Variants in MROH1 observed in about 807,000 individuals in gnomAD.
MROH1 encodes maestro heat like repeat family member 1.
Under a neutral mutation model 116.5 loss-of-function variants are expected in MROH1, and 117 were observed. That is an observed-to-expected ratio of 1.00 (90% CI 0.86 to 1.17). MROH1 has a LOEUF of 1.17. MROH1 is among the 50% of genes most tolerant of loss of function. The probability of loss-of-function intolerance (pLI) is 0.00; values close to 1 mark genes in which losing one functional copy is unlikely to be tolerated. For synonymous variants in MROH1, 921 were observed against 583.9 expected, an observed-to-expected ratio of 1.58 and a Z score of -8.32; for missense variants, 1,873 against 1,338.5, an observed-to-expected ratio of 1.40 and a Z score of -6.23.
intron 14 of MROH1, among the ~76,000 whole-genome samples, chr8:144,232,196 C>G (rs1172350842): frequency 6.6e-6 from 1 of 152,016 alleles, no homozygotes; most frequent in Admixed American, 6.6e-5. Context: ...CTCTTCATAC[C>G]CCCACCTTCT....
At chr8:144,202,760 G>C (rs1831620191) in intron 12 of MROH1, among the ~76,000 whole-genome samples, 1 of 126,174 alleles carries the variant, frequency 7.9e-6, no homozygotes, top group Non-Finnish European at 1.7e-5. Flanking sequence ...GAGGGGTTGG[G>C]AGAGGAGCAC....
intron 14 of MROH1, among the ~76,000 whole-genome samples, chr8:144,232,818 AT>A (rs1839196252): frequency 1.4e-5 from 2 of 147,278 alleles, no homozygotes; most frequent in Non-Finnish European, 3.0e-5. Context: ...TTATTTATTT[AT>A]TTATTTATTT....
chr8:144,219,597 G>A lies in MROH1; in HGVS notation c.1142-1003G>A, dbSNP rs566588841. ...TCTTTTCTGAGCTTCTATGGCACAC[G>A]TCTGTTTCATCCTCCTAACCCAGGG... On this transcript the variant is annotated intron_variant, in intron 12 of 43. Transcript: ENST00000326134. Among the ~76,000 whole-genome samples the A allele has an allele frequency of 1.1e-3, 174 of 152,242 alleles. 3 individuals are homozygous for A. The highest frequency in any genetic ancestry group is 6.8e-3 in the Middle Eastern group (2 of 292).
chr8:144,231,550 C>T (rs1228237300), intron 14 of MROH1, among the ~76,000 whole-genome samples: 5 of 152,198 alleles, frequency 3.3e-5, no homozygotes, highest in Non-Finnish European at 4.4e-5. Flanking sequence ...TGGGGAGTGG[C>T]TGGCCAGTGG....
rs1395141515 is a variant in MROH1 at position 144,151,336 on chromosome 8, G to A, written c.-177+3260G>A. ...TGGACATAGAGAGGAGCAGATTGGC[G>A]GAAGAAGACACAAGCAACTGGACCT... is the stretch of plus-strand genomic sequence containing the variant. On this transcript the variant is annotated intron_variant, in intron 1 of 43. Coordinates refer to ENST00000326134, the MANE Select transcript of MROH1 (RefSeq NM_032450.3). Among the ~76,000 whole-genome samples, 11 of 151,774 alleles carry A rather than the reference G, an allele frequency of 7.2e-5. No homozygotes were observed. In the South Asian group the frequency reaches 8.4e-4, roughly 12 times the overall value.
chr8:144,229,862 C>T (rs1466596540), intron 14 of MROH1, among the ~76,000 whole-genome samples: 2 of 151,860 alleles, frequency 1.3e-5, no homozygotes, highest in Admixed American at 6.6e-5. Context: ...GGTGAAACCC[C>T]GTCTCTACTA....
chr8:144,182,539 A>G lies in MROH1; in HGVS notation c.562+2016A>G, dbSNP rs1471119885. ...AGAGGTGTCACCATGGAGAAGCCACATTGAGAGAATAAAACTGACCTTCTG... is the reference window on the plus strand; with the variant it reads ...AGAGGTGTCACCATGGAGAAGCCACGTTGAGAGAATAAAACTGACCTTCTG... On this transcript the variant is annotated intron_variant, in intron 7 of 43. Coordinates refer to ENST00000326134, the MANE Select transcript of MROH1 (RefSeq NM_032450.3). The surrounding 1 kb of genome is among the most constrained non-coding windows in gnomAD (Gnocchi z 4.1). Among the ~76,000 whole-genome samples, 6 of 152,248 alleles carry G rather than the reference A, an allele frequency of 3.9e-5. No individual in the cohort carries two copies. The highest frequency in any genetic ancestry group is 7.3e-5 in the Non-Finnish European group (5 of 68,042).
chr8:144,163,771 A>T lies in MROH1; in HGVS notation c.-56A>T. 1 of 1,602,316 alleles carries T rather than the reference A, an allele frequency of 6.2e-7. No homozygotes were observed. The highest frequency in any genetic ancestry group is 8.5e-7 in the Non-Finnish European group (1 of 1,171,220). ...AATCTTGTGATTTTGGTTATTCCAGATGGGAGAAGAAGTTGTCCATGTTCA... is the reference window on the plus strand; with the variant it reads ...AATCTTGTGATTTTGGTTATTCCAGTTGGGAGAAGAAGTTGTCCATGTTCA... On this transcript the variant is annotated splice_region_variant and 5_prime_UTR_variant, in exon 3 of 44. The change abolishes an upstream ATG in the 5' untranslated region. Transcript: ENST00000326134. The surrounding 1 kb of genome is among the most constrained non-coding windows in gnomAD (Gnocchi z 4.4).
chr8:144,226,082 T>C (rs540352829), intron 14 of MROH1, among the ~76,000 whole-genome samples: 1 of 150,408 alleles, frequency 6.6e-6, no homozygotes, highest in East Asian at 2.0e-4. Flanking sequence ...GCCAGGCTAA[T>C]TTTTGTATTT....
In MROH1 at chr8:144,148,025, C is replaced by T. The variant is rs1815828487; in HGVS notation, c.-228C>T. The T allele has an allele frequency of 6.6e-6, 1 of 152,124 alleles. No homozygotes were observed. The highest frequency in any genetic ancestry group is 2.1e-4 in the South Asian group (1 of 4,838). 9.4% of individuals were successfully genotyped at this position (152,124 alleles called of 1,614,324 possible). A position where few individuals can be genotyped will look rare whatever the true frequency, so the allele number is the denominator to read the frequency against. On this transcript the variant is annotated 5_prime_UTR_variant, in exon 1 of 44. Coordinates refer to ENST00000326134, the MANE Select transcript of MROH1 (RefSeq NM_032450.3). ...GCGCGCGGCTCCGCCCACTCCGGGC[C>T]CCTGCTGGGCGGGAAGGCGGCGCCC...
chr8:144,156,846 T>C (rs1447486833), intron 1 of MROH1, among the ~76,000 whole-genome samples: 1 of 145,910 alleles, frequency 6.9e-6, no homozygotes, highest in Non-Finnish European at 1.5e-5. Flanking sequence ...GCAATGGTGC[T>C]ATCTCGGCTC....
chr8:144,180,632 G>C lies in MROH1; in HGVS notation c.562+109G>C, dbSNP rs914072755. Reference sequence around the variant, plus strand: ...GGTGGGCACTTTAGGCTGCAGGAAGGGGGGCTGTTGGAGGGAGGGGCCCCC... The same window carrying C: ...GGTGGGCACTTTAGGCTGCAGGAAGCGGGGCTGTTGGAGGGAGGGGCCCCC... On this transcript the variant is annotated intron_variant, in intron 7 of 43. Transcript: ENST00000326134. This position sits in a 1 kb window ranked among gnomAD's most constrained non-coding sequence, Gnocchi z 7.4. 3.9e-5 allele frequency: 42 copies of C among 1,086,142 alleles called. 1 individual carries two copies. The East Asian group carries it at 1.0e-3, about 27-fold the overall frequency. The allele number at this position is 1,086,142 out of a possible 1,614,324, so 67.3% of individuals were successfully genotyped here.
chr8:144,239,554 G>A (rs1840623055), intron 17 of MROH1, 60 bp from the exon 18 acceptor site: 1 of 764,368 alleles, frequency 1.3e-6, no homozygotes, highest in African/African-American at 1.7e-5. Context: ...TGCAGGTGCA[G>A]GTTGTGGGCA....
chr8:144,159,765 ATT>A (rs1161961224), intron 1 of MROH1, among the ~76,000 whole-genome samples: 9 of 123,744 alleles, frequency 7.3e-5, no homozygotes, highest in African/African-American at 2.2e-4. Flanking sequence ...ACGCCTGGTA[ATT>A]TTTTTTTTTT....
chr8:144,175,325 C>T (rs948110743), intron 4 of MROH1, among the ~76,000 whole-genome samples: 4 of 148,498 alleles, frequency 2.7e-5, no homozygotes, highest in Non-Finnish European at 4.4e-5. Flanking sequence ...GGTATAAATG[C>T]CCTGCTACAC....
At chr8:144,155,098 G>A (rs1343816246) in intron 1 of MROH1, among the ~76,000 whole-genome samples, 2 of 152,134 alleles carry the variant, frequency 1.3e-5, no homozygotes, top group African/African-American at 4.8e-5. Context: ...TTACAGGCAT[G>A]AGCCACCACG....
chr8:144,219,999 T>C (rs181419236), intron 12 of MROH1, among the ~76,000 whole-genome samples: 144 of 152,326 alleles, frequency 9.5e-4, no homozygotes, highest in African/African-American at 3.4e-3. Context: ...GGGACAGCAG[T>C]CCTGTCCTGT....
In MROH1 at chr8:144,260,726, A is replaced by G; in HGVS notation, c.4430A>G (p.Asn1477Ser). The stretch of plus-strand genomic sequence containing the variant: ...TCTATCCGCCTCTTTGGGCACCTTA[A>G]CAAGGTCTGCCACGGAGACTGTGAG... ...TASIRLFGHL[N>S]KVCHGDCEDV... Residue 1477 changes from asparagine (N) to serine (S), a missense_variant, in exon 40 of 44, where the codon AAC becomes AGC. By Grantham distance (46) the Asn-to-Ser change is conservative. Transcript: ENST00000326134. The G allele has an allele frequency of 1.3e-6, 1 of 779,662 alleles. No homozygotes were observed. The highest frequency in any genetic ancestry group is 2.4e-6 in the Non-Finnish European group (1 of 417,788). 48.3% of individuals were successfully genotyped at this position (779,662 alleles called of 1,614,324 possible). A position where few individuals can be genotyped will look rare whatever the true frequency, so the allele number is the denominator to read the frequency against.
At chr8:144,212,537 G>C (rs1834341637) in intron 12 of MROH1, among the ~76,000 whole-genome samples, 1 of 142,702 alleles carries the variant, frequency 7.0e-6, no homozygotes, top group South Asian at 2.3e-4. Flanking sequence ...GATACTTCCA[G>C]TTCAACATAT....
Sources: allele counts gnomAD v4.1 joint callset (sites outside exome capture counted in the v4.1 genomes callset), GRCh38; gene constraint gnomAD v4.1.1; non-coding constraint Gnocchi (gnomAD v3.1); transcripts MANE v1.5; gene names NCBI Gene and HGNC (gene_info 2026-07-23, HGNC 2026-07-21).